The following DNAJC5B variants were observed in gnomAD, a reference collection of about 807,000 sequenced individuals.
DNAJC5B encodes DnaJ heat shock protein family (Hsp40) member C5 beta.
In DNAJC5B, 23 loss-of-function variants were observed where a neutral mutation model predicts 24.7. The ratio of observed to expected loss-of-function variants is 0.93; its 90% CI spans 0.67 to 1.32. DNAJC5B has a LOEUF of 1.32. Ranked by LOEUF, DNAJC5B falls within the 40% of genes most tolerant of loss-of-function variation. The pLI, the probability that DNAJC5B is intolerant of heterozygous loss-of-function variation, is 0.00. For missense variants in DNAJC5B, 238 were observed against 240.8 expected, an observed-to-expected ratio of 0.99 and a Z score of 0.08; for synonymous variants, 101 against 90.1, an observed-to-expected ratio of 1.12 and a Z score of -0.68.
intron 3 of DNAJC5B, among the ~76,000 whole-genome samples, chr8:66,060,849 C>T (rs971687076): frequency 6.6e-6 from 1 of 152,182 alleles, no homozygotes; most frequent in Non-Finnish European, 1.5e-5. Context: ...TCTGTGTTGG[C>T]CACTGTCCTA....
chr8:66,060,079 C>T (rs1286295465), intron 3 of DNAJC5B, among the ~76,000 whole-genome samples: 1 of 152,152 alleles, frequency 6.6e-6, no homozygotes, highest in East Asian at 1.9e-4. Flanking sequence ...TGTTAGAGCC[C>T]CCTATGAGTT....
upstream of DNAJC5B, among the ~76,000 whole-genome samples, chr8:66,019,756 T>C (rs991389453): frequency 1.3e-5 from 2 of 152,214 alleles, no homozygotes; most frequent in African/African-American, 4.8e-5. Flanking sequence ...TTCAGCATAA[T>C]CCATTTTACC....
At chr8:66,033,376 G>A (rs1806402603) in intron 1 of DNAJC5B, among the ~76,000 whole-genome samples, 2 of 152,232 alleles carry the variant, frequency 1.3e-5, no homozygotes, top group South Asian at 4.1e-4. Flanking sequence ...GCCCGGGAAA[G>A]AGCTGAGATT....
chr8:66,042,426 C>T (rs967251388), intron 1 of DNAJC5B, among the ~76,000 whole-genome samples: 1 of 152,104 alleles, frequency 6.6e-6, no homozygotes, highest in Non-Finnish European at 1.5e-5. Context: ...TCTTATTAGA[C>T]TAAATTTGAA....
intron 4 of DNAJC5B, among the ~76,000 whole-genome samples, chr8:66,079,974 G>T (rs1027736812): frequency 1.3e-5 from 2 of 152,106 alleles, no homozygotes; most frequent in African/African-American, 4.8e-5. Flanking sequence ...TATCATTCTG[G>T]TGAGAATGAT....
intron 1 of DNAJC5B, among the ~76,000 whole-genome samples, chr8:66,023,943 T>C (rs1421760089): frequency 6.6e-6 from 1 of 152,180 alleles, no homozygotes; most frequent in Non-Finnish European, 1.5e-5. Flanking sequence ...ATTAAATTTA[T>C]TGCAAATGTA....
At chr8:66,057,405 A>G (rs760473926) in intron 3 of DNAJC5B, 10 of 152,208 alleles carry the variant, frequency 6.6e-5, no homozygotes, top group African/African-American at 1.4e-4. Flanking sequence ...TAAACAATAA[A>G]CTGAAAACAG....
At chr8:66,062,117 C>G (rs1326865070) in intron 3 of DNAJC5B, among the ~76,000 whole-genome samples, 3 of 152,258 alleles carry the variant, frequency 2.0e-5, no homozygotes, top group African/African-American at 2.4e-5. Context: ...TGCCTGGTCT[C>G]TCACTGTACT....
In DNAJC5B at chr8:66,091,478, C is replaced by T. The variant is rs369597331; in HGVS notation, c.506-8459C>T. Reference sequence around the variant, plus strand: ...TAGTACAAGCAAAGAATTGTCACAGCCTCTCCCCATATTCTTGTGGATAAG... The same window carrying T: ...TAGTACAAGCAAAGAATTGTCACAGTCTCTCCCCATATTCTTGTGGATAAG... On this transcript the variant is annotated intron_variant, in intron 5 of 5. Transcript: ENST00000276570. Among the ~76,000 whole-genome samples the T allele has an allele frequency of 3.4e-4, 52 of 152,234 alleles. 1 individual carries two copies. The highest frequency in any genetic ancestry group is 1.2e-3 in the African/African-American group (49 of 41,530).
At chr8:66,083,468 T>C (rs956317648) in intron 5 of DNAJC5B, among the ~76,000 whole-genome samples, 2 of 152,190 alleles carry the variant, frequency 1.3e-5, no homozygotes, top group Non-Finnish European at 2.9e-5. Context: ...TGTTGTCAAA[T>C]TCAGGAAAAC....
At chr8:66,085,669 T>C (rs1807708297) in intron 5 of DNAJC5B, among the ~76,000 whole-genome samples, 1 of 152,118 alleles carries the variant, frequency 6.6e-6, no homozygotes, top group East Asian at 1.9e-4. Context: ...TATCTCTTCA[T>C]CAATTCCACA....
chr8:66,056,738 C>T (rs1036175798), intron 3 of DNAJC5B: 4 of 152,168 alleles, frequency 2.6e-5, no homozygotes, highest in Non-Finnish European at 4.4e-5. Context: ...ACAAAATGAC[C>T]CATCCTACAA....
At position 66,076,745 on chromosome 8, in the gene DNAJC5B, G is replaced by T. The variant is rs1807473261; in HGVS notation, c.205G>T (p.Ala69Ser). The T allele has an allele frequency of 1.9e-6, 3 of 1,613,994 alleles. No homozygotes were observed. Among genetic ancestry groups the T allele is most frequent in the Admixed American group, 1.7e-5 (1 of 59,990 alleles). ...GTTTAAAGAAATCAACAACGCCCAC[G>T]CAATACTTACCGACATTTCAAAGAG... ...EKFKEINNAH[A>S]ILTDISKRSI... The change falls in exon 4 of 6, where the codon GCA becomes TCA. Residue 69 changes from alanine (A) to serine (S), a missense_variant. Transcript: ENST00000276570.
intron 1 of DNAJC5B, among the ~76,000 whole-genome samples, chr8:66,038,349 T>G (rs1806533633): frequency 6.6e-6 from 1 of 152,232 alleles, no homozygotes; most frequent in Non-Finnish European, 1.5e-5. Flanking sequence ...CATTTCTTTC[T>G]CTTTCAAATA....
At chr8:66,045,751 TCCTCAAAGGGCA>T (rs1219226579) in intron 2 of DNAJC5B, among the ~76,000 whole-genome samples, 1 of 152,014 alleles carries the variant, frequency 6.6e-6, no homozygotes, top group East Asian at 1.9e-4. Flanking sequence ...GAGAAAACCA[TCCTCAAAGGGCA>T]CCAGAGGGCT....
At position 66,101,215 on chromosome 8, in the gene DNAJC5B, T is replaced by C. The variant is rs1293341751; in HGVS notation, c.*1184T>C. 1.3e-5 allele frequency among the ~76,000 whole-genome samples: 2 copies of C among 152,240 alleles called. No homozygotes were observed. The highest frequency in any genetic ancestry group is 2.9e-5 in the Non-Finnish European group (2 of 68,038). On this transcript the variant is annotated 3_prime_UTR_variant, in exon 6 of 6. Coordinates refer to ENST00000276570, the MANE Select transcript of DNAJC5B (RefSeq NM_033105.6). ...GTGAGAATTAGTGTTATAGCTCTGA[T>C]AGTTCTGAGGTCATTAAAATTCCAC... is the stretch of plus-strand genomic sequence containing the variant.
chr8:66,073,721 C>G (rs955244319), intron 3 of DNAJC5B, among the ~76,000 whole-genome samples: 1 of 152,066 alleles, frequency 6.6e-6, no homozygotes, highest in Admixed American at 6.6e-5. Flanking sequence ...CCCAGAAATC[C>G]AGGGAAAGGA....
chr8:66,059,922 G>A (rs1020005020), intron 3 of DNAJC5B, among the ~76,000 whole-genome samples: 44 of 152,312 alleles, frequency 2.9e-4, no homozygotes, highest in African/African-American at 1.0e-3. Flanking sequence ...CAGTCCCCAA[G>A]TCCCGACCGC....
intron 4 of DNAJC5B, 52 bp from the exon 5 acceptor site, chr8:66,080,325 C>T: frequency 6.3e-7 from 1 of 1,580,438 alleles, no homozygotes; most frequent in Non-Finnish European, 8.6e-7. Flanking sequence ...ATGGGTTCTC[C>T]CCTCACCCCA....
Sources: gnomAD v4.1 joint callset for allele counts (sites outside exome capture counted in the v4.1 genomes callset) on GRCh38, gnomAD v4.1.1 for gene constraint, MANE v1.5 for transcripts, NCBI Gene and HGNC (gene_info 2026-07-23, HGNC 2026-07-21) for gene names.